TSPAN7: variants seen among roughly 807,000 people sequenced by gnomAD.
The protein encoded by TSPAN7 is tetraspanin-7.
In TSPAN7, 1 loss-of-function variant was observed where a neutral mutation model predicts 17.6. That is an observed-to-expected ratio of 0.06 (90% CI 0.02 to 0.27). The LOEUF is 0.27. TSPAN7 is among the 10% of genes least tolerant of loss of function. The probability of loss-of-function intolerance (pLI) is 1.00; values close to 1 mark genes in which losing one functional copy is unlikely to be tolerated. For synonymous variants in TSPAN7, 78 were observed against 79.0 expected (o/e 0.99, Z 0.07); for missense variants, 112 against 201.7 (o/e 0.56, Z 2.69).
intron 1 of TSPAN7, among the ~76,000 whole-genome samples, chrX:38,603,576 A>G (rs1298047610): frequency 8.9e-6 from 1 of 111,895 alleles, no homozygotes; most frequent in Non-Finnish European, 1.9e-5. Context: ...TATTATTTGG[A>G]AATTAAAAGG....
chrX:38,619,151 G>A (rs2069474475), intron 1 of TSPAN7, among the ~76,000 whole-genome samples: 3 of 111,017 alleles, frequency 2.7e-5, no homozygotes, highest in African/African-American at 9.8e-5. Context: ...CCAGGTGGTG[G>A]CCACTGCTGC....
rs185652762 is a variant in TSPAN7, at chrX:38,601,263, A to G, written c.81+39636A>G. 1.8e-3 allele frequency among the ~76,000 whole-genome samples: 197 copies of G among 111,517 alleles called. 1 individual carries two copies. Among genetic ancestry groups the G allele is most frequent in the African/African-American group, 5.9e-3 (180 of 30,704 alleles). On this transcript the variant is annotated intron_variant, in intron 1 of 7. Transcript: ENST00000378482. ...GGGTATATCATACAGATAGGATGAT[A>G]TTATTTTGAGACTTAGATAATCACA... is the stretch of plus-strand genomic sequence containing the variant.
At position 38,574,588 on chromosome X, in the gene TSPAN7, A is replaced by G. The variant is rs977669602; in HGVS notation, c.81+12961A>G. The stretch of plus-strand genomic sequence containing the variant: ...ATGAGATCTGAACAGATTAAATGAT[A>G]CCAGATGTTCTTGGGTGGGGAGATT... On this transcript the variant is annotated intron_variant, in intron 1 of 7. Coordinates refer to ENST00000378482, the MANE Select transcript of TSPAN7 (RefSeq NM_004615.4). Among the ~76,000 whole-genome samples, 9 of 111,532 alleles carry G rather than the reference A, an allele frequency of 8.1e-5. No homozygotes were observed. The South Asian group carries it at 1.1e-3, about 14-fold the overall frequency.
At chrX:38,630,849 A>G (rs2142434) in intron 1 of TSPAN7, among the ~76,000 whole-genome samples, 41,050 of 110,740 alleles carry the variant, frequency 0.37, 5,697 homozygotes, top group East Asian at 0.68. Context: ...TGACAAGTGA[A>G]CAGTGCTCAT....
chrX:38,671,342 TATC>T, intron 2 of TSPAN7, 31 bp from the exon 3 acceptor site: 2 of 1,193,229 alleles, frequency 1.7e-6, no homozygotes, highest in Non-Finnish European at 2.3e-6. Context: ...AATCCTGATG[TATC>T]TGACTTTGTC....
intron 1 of TSPAN7, among the ~76,000 whole-genome samples, chrX:38,579,516 G>A (rs963004531): frequency 9.0e-6 from 1 of 111,136 alleles, no homozygotes; most frequent in Non-Finnish European, 1.9e-5. Context: ...AACCTTGGAG[G>A]CAGAGGTTGC....
At chrX:38,597,521 T>G (rs1334011962) in intron 1 of TSPAN7, among the ~76,000 whole-genome samples, 3 of 111,197 alleles carry the variant, frequency 2.7e-5, no homozygotes, top group Non-Finnish European at 3.8e-5. Context: ...CAGTGTTGGC[T>G]GCGAGTTAAT....
At chrX:38,659,664 A>AT (rs536060824) in intron 1 of TSPAN7, among the ~76,000 whole-genome samples, 42,420 of 99,106 alleles carry the variant, frequency 0.43, 6,973 homozygotes, top group Middle Eastern at 0.55. Context: ...TTTAATTCTA[A>AT]TTTTTTTTTT....
chrX:38,591,329 G>A (rs1193754345), intron 1 of TSPAN7, among the ~76,000 whole-genome samples: 1 of 111,300 alleles, frequency 9.0e-6, no homozygotes, highest in Non-Finnish European at 1.9e-5. Context: ...TTCAAATGGA[G>A]ATTTTTCCAG....
At chrX:38,571,745 A>G (rs758460868) in intron 1 of TSPAN7, among the ~76,000 whole-genome samples, 7 of 103,420 alleles carry the variant, frequency 6.8e-5, no homozygotes, top group African/African-American at 2.2e-4. Context: ...GTGTGAGTTA[A>G]AAAAAAAAAA....
At chrX:38,659,035 CA>C (rs1569313279) in intron 1 of TSPAN7, among the ~76,000 whole-genome samples, 12 of 86,050 alleles carry the variant, frequency 1.4e-4, no homozygotes, top group East Asian at 7.2e-4. Flanking sequence ...CACACACACA[CA>C]CACCCACAGA....
At chrX:38,646,300 G>C in intron 1 of TSPAN7, 1 of 1,154,300 alleles carries the variant, frequency 8.7e-7, no homozygotes. Context: ...GACAGGATGT[G>C]GCTATGGCTT....
At position 38,622,620 on chromosome X, in the gene TSPAN7, G is replaced by A. The variant is rs1602102797; in HGVS notation, c.82-43501G>A. Among the ~76,000 whole-genome samples, 3 of 112,475 alleles carry A rather than the reference G, an allele frequency of 2.7e-5. No individual in the cohort carries two copies. In the South Asian group the frequency reaches 1.1e-3, roughly 42 times the overall value. Reference sequence around the variant, plus strand: ...CTTTAGTTAGGATTCTGACTGGTATGTGATGTCTTGCATTAGATCAGAATT... The same window carrying A: ...CTTTAGTTAGGATTCTGACTGGTATATGATGTCTTGCATTAGATCAGAATT... On this transcript the variant is annotated intron_variant, in intron 1 of 7. Coordinates refer to ENST00000378482, the MANE Select transcript of TSPAN7 (RefSeq NM_004615.4).
chrX:38,621,686 T>TA (rs745999515), intron 1 of TSPAN7, among the ~76,000 whole-genome samples: 83 of 108,551 alleles, frequency 7.6e-4, no homozygotes, highest in African/African-American at 2.6e-3. Context: ...TTCTTTTTTT[T>TA]ACCATATATT....
chrX:38,563,303 A>T (rs1010888844), intron 1 of TSPAN7, among the ~76,000 whole-genome samples: 3 of 112,039 alleles, frequency 2.7e-5, no homozygotes, highest in Non-Finnish European at 5.6e-5. Flanking sequence ...CACAGATCAT[A>T]TCATCTTATG....
chrX:38,564,703 GGT>G (rs1303116792), intron 1 of TSPAN7, among the ~76,000 whole-genome samples: 2 of 112,032 alleles, frequency 1.8e-5, no homozygotes, highest in Non-Finnish European at 3.8e-5. Flanking sequence ...CTGTGGTTCT[GGT>G]ATGAATTTCC....
At chrX:38,569,830 A>G (rs2069160704) in intron 1 of TSPAN7, among the ~76,000 whole-genome samples, 1 of 111,800 alleles carries the variant, frequency 8.9e-6, no homozygotes, top group African/African-American at 3.3e-5. Context: ...GAAGTCCTTT[A>G]TATCTTTATC....
chrX:38,605,345 A>G (rs1305645999), intron 1 of TSPAN7, among the ~76,000 whole-genome samples: 2 of 110,399 alleles, frequency 1.8e-5, no homozygotes, highest in African/African-American at 3.3e-5. Context: ...TAGGAATCCA[A>G]CTTACAAGGG....
At chrX:38,574,399 A>G (rs994909310) in intron 1 of TSPAN7, among the ~76,000 whole-genome samples, 2 of 112,253 alleles carry the variant, frequency 1.8e-5, no homozygotes, top group African/African-American at 6.5e-5. Context: ...AGAGAAATAT[A>G]CAATAATTAA....
Sources: allele counts gnomAD v4.1 joint callset (sites outside exome capture counted in the v4.1 genomes callset), GRCh38; gene constraint gnomAD v4.1.1; transcripts MANE v1.5; gene names NCBI Gene and HGNC (gene_info 2026-07-23, HGNC 2026-07-21).